ERI2: variants seen among roughly 807,000 people sequenced by gnomAD.
ERI2 encodes ERI1 exoribonuclease 2.
ERI2 carries 35 observed loss-of-function variants against 46.8 expected under a neutral mutation model. That is an observed-to-expected ratio of 0.75 (90% CI 0.57 to 0.99). ERI2 has a LOEUF of 0.99. ERI2 is among the 50% of genes least tolerant of loss of function. The probability of loss-of-function intolerance (pLI) is 0.00; values close to 1 mark genes in which losing one functional copy is unlikely to be tolerated. For synonymous variants in ERI2, 224 were observed against 271.0 expected (o/e 0.83, Z 1.70); for missense variants, 695 against 796.2 (o/e 0.87, Z 1.53).
intron 2 of ERI2, 36 bp downstream of exon 2, chr16:20,803,567 G>T (rs1292218254): frequency 1.2e-6 from 2 of 1,614,010 alleles, no homozygotes; most frequent in Non-Finnish European, 1.7e-6. Flanking sequence ...AAAATGCAAG[G>T]CTACAAAATG....
chr16:20,784,908 T>C (rs2080437340), intron 10 of ERI2: 2 of 1,502,654 alleles, frequency 1.3e-6, no homozygotes, highest in African/African-American at 1.4e-5. Context: ...ATATTGAAGT[T>C]CATAAGAAAT....
intron 10 of ERI2, among the ~76,000 whole-genome samples, chr16:20,784,129 A>T (rs2080416817): frequency 6.6e-6 from 1 of 152,122 alleles, no homozygotes. Context: ...TATAAACATA[A>T]ATGGTATCAC....
At chr16:20,792,923 G>C (rs1385157505), downstream of ERI2, among the ~76,000 whole-genome samples, 1 of 152,156 alleles carries the variant, frequency 6.6e-6, no homozygotes, top group Non-Finnish European at 1.5e-5. Context: ...CCTGCGTTTT[G>C]CCTGTGTGTC....
At chr16:20,781,069 T>C (rs773394496) in intron 10 of ERI2, 1 of 1,614,184 alleles carries the variant, frequency 6.2e-7, no homozygotes, top group Non-Finnish European at 8.5e-7. Flanking sequence ...TCTCCGTGGA[T>C]CCAGGGAGCA....
Position 20,796,906 on chromosome 16 carries a change from G to A in ERI2, c.*818C>T. The A allele has an allele frequency of 6.2e-7, 1 of 1,612,694 alleles. No homozygotes were observed. The highest frequency in any genetic ancestry group is 8.5e-7 in the Non-Finnish European group (1 of 1,179,454). On this transcript the variant is annotated 3_prime_UTR_variant, in exon 9 of 9. Transcript: ENST00000357967. ...AACAGGTAGAATTTATTCAAGAGCT[G>A]CCAAAGACTATCAGTGGGAAGACAA...
chr16:20,803,765 A>C (rs2152495950), intron 1 of ERI2, 95 bp from the exon 2 acceptor site: 4,339 of 1,356,356 alleles, frequency 3.2e-3, no homozygotes, highest in Non-Finnish European at 4.0e-3. Flanking sequence ...CAACAATCTC[A>C]TTATTTATTG....
At chr16:20,791,045 G>C in intron 8 of ERI2, 1 of 1,071,550 alleles carries the variant, frequency 9.3e-7, no homozygotes, top group Non-Finnish European at 1.4e-6. Flanking sequence ...GAGTGAGAGG[G>C]ACAGGGGATG....
downstream of ERI2, chr16:20,792,148 T>C (rs774965818): frequency 6.2e-7 from 1 of 1,614,154 alleles, no homozygotes. Context: ...CTTTTCCATA[T>C]GTGCATATGT....
intron 10 of ERI2, chr16:20,783,371 CT>C (rs2080396035): frequency 6.6e-6 from 1 of 152,160 alleles, no homozygotes; most frequent in Non-Finnish European, 1.5e-5. Flanking sequence ...GACCAGAAGT[CT>C]TTTGGATTTC....
chr16:20,789,436 G>C (rs1352339240), intron 10 of ERI2: 1 of 1,384,070 alleles, frequency 7.2e-7, no homozygotes, highest in Non-Finnish European at 1.0e-6. Context: ...GGAATGATGA[G>C]GATTGGAGAG....
chr16:20,804,047 C>T (rs1270471739), intron 1 of ERI2, among the ~76,000 whole-genome samples: 2 of 150,608 alleles, frequency 1.3e-5, no homozygotes, highest in East Asian at 3.9e-4. Flanking sequence ...GAAGGCAGGG[C>T]CTCACTATGT....
chr16:20,794,846 T>G (rs2152491489), downstream of ERI2, among the ~76,000 whole-genome samples: 1 of 152,358 alleles, frequency 6.6e-6, no homozygotes, highest in African/African-American at 2.4e-5. Flanking sequence ...TGTTCTGACT[T>G]CAGAGTTCAT....
At chr16:20,802,284 G>A (rs996026854) in intron 4 of ERI2, among the ~76,000 whole-genome samples, 1 of 151,916 alleles carries the variant, frequency 6.6e-6, no homozygotes, top group East Asian at 1.9e-4. Context: ...AGAGGTTGCA[G>A]TGAGCCCCGC....
At chr16:20,781,714 T>C (rs1190783259) in intron 10 of ERI2, 2 of 1,612,202 alleles carry the variant, frequency 1.2e-6, no homozygotes, top group Non-Finnish European at 1.7e-6. Flanking sequence ...GCAGACACTC[T>C]CCAAGTACCC....
intron 7 of ERI2, 87 bp from the exon 8 acceptor site, chr16:20,799,438 C>T: frequency 1.6e-6 from 2 of 1,254,364 alleles, no homozygotes; most frequent in Non-Finnish European, 2.2e-6. Flanking sequence ...AGAAAAACAC[C>T]ACTTGTGTAG....
Position 20,806,435 on chromosome 16 carries a change from G to C in ERI2, c.-5C>G, listed in dbSNP as rs759054050. On this transcript the variant is annotated 5_prime_UTR_variant, in exon 1 of 9. Coordinates refer to ENST00000357967, the MANE Select transcript of ERI2 (RefSeq NM_001142725.2). ...CGCGAGCCGCTTGGTCGCCATTCCCGACACTCCTTGCTTTTCCAAGTCCAG... is the reference window on the plus strand; with the variant it reads ...CGCGAGCCGCTTGGTCGCCATTCCCCACACTCCTTGCTTTTCCAAGTCCAG... The C allele has an allele frequency of 3.2e-6, 5 of 1,553,272 alleles. No individual in the cohort carries two copies. In the East Asian group the frequency reaches 9.7e-5, roughly 30 times the overall value.
rs1164500730 is a variant in ERI2, at chr16:20,790,818, G to T, written c.815+32C>A. The T allele has an allele frequency of 6.2e-7, 1 of 1,613,852 alleles. No individual in the cohort carries two copies. Among genetic ancestry groups the T allele is most frequent in the South Asian group, 1.1e-5 (1 of 91,054 alleles). Reference sequence around the variant, plus strand: ...CTTGAGAGATTGGTTGTCCTGAATAGTAATCCAAAAGACAAGAAATTGAAG... The same window carrying T: ...CTTGAGAGATTGGTTGTCCTGAATATTAATCCAAAAGACAAGAAATTGAAG... On this transcript the variant is annotated intron_variant, in intron 9 of 10. Transcript: ENST00000300005. This position sits in a 1 kb window ranked among gnomAD's most constrained non-coding sequence, Gnocchi z 4.0.
intron 5 of ERI2, chr16:20,800,809 C>T (rs2080787605): frequency 5.9e-6 from 1 of 169,480 alleles, no homozygotes; most frequent in South Asian, 1.8e-4. Context: ...AATGCTCTAA[C>T]ACAGTCATAC....
chr16:20,795,724 C>T (rs937663814), downstream of ERI2, among the ~76,000 whole-genome samples: 1 of 152,126 alleles, frequency 6.6e-6, no homozygotes, highest in Non-Finnish European at 1.5e-5. Context: ...TAGACTCATG[C>T]CTCTAGGGAA....
Sources: allele counts gnomAD v4.1 joint callset (sites outside exome capture counted in the v4.1 genomes callset), GRCh38; gene constraint gnomAD v4.1.1; non-coding constraint Gnocchi (gnomAD v3.1); transcripts MANE v1.5; gene names NCBI Gene and HGNC (gene_info 2026-07-23, HGNC 2026-07-21).